DENND5A: variants seen among roughly 807,000 people sequenced by gnomAD.
DENND5A encodes the protein DENN domain-containing protein 5A.
DENND5A carries 64 observed loss-of-function variants against 140.3 expected under a neutral mutation model. The observed-to-expected ratio is 0.46, with a 90% CI of 0.37 to 0.56. DENND5A has a LOEUF of 0.56. Ranked by LOEUF, DENND5A falls within the 20% of genes least tolerant of loss-of-function variation. The pLI is 0.00. For missense variants in DENND5A, 1,292 were observed against 1,593.8 expected (o/e 0.81, Z 3.22); for synonymous variants, 605 against 607.7 (o/e 1.00, Z 0.07).
chr11:9,209,980 A>G (rs1351010397), intron 1 of DENND5A, among the ~76,000 whole-genome samples: 2 of 151,972 alleles, frequency 1.3e-5, no homozygotes, highest in Non-Finnish European at 2.9e-5. Context: ...AGTGGCGGAC[A>G]CCTGTAATCC....
In DENND5A at chr11:9,170,671, AG is replaced by A. The variant is rs1848340979; in HGVS notation, c.2012del (p.Pro671LeufsTer41). 1 of 1,613,848 alleles carries A rather than the reference AG, an allele frequency of 6.2e-7. No homozygotes were observed. Among genetic ancestry groups the A allele is most frequent in the Admixed American group, 1.7e-5 (1 of 59,946 alleles). On this transcript the variant is annotated frameshift_variant, in exon 9 of 23. Transcript: ENST00000328194. LOFTEE classifies it high-confidence loss of function. Reference sequence around the variant, plus strand: ...TGGAAAGTACATCAGACTGCAGCTTAGGGAAGAAGCCCGGCTCATATTTCCC... The same window carrying A: ...TGGAAAGTACATCAGACTGCAGCTTAGGAAGAAGCCCGGCTCATATTTCCC... Reference protein sequence around the residue: ...GQGKYEPGFFPKLQSDVLSTG... With the variant: ...GQGKYEPGFFXKLQSDVLSTG...
intron 8 of DENND5A, chr11:9,175,332 C>T (rs903006405): frequency 2.0e-5 from 3 of 152,050 alleles, no homozygotes; most frequent in Admixed American, 6.5e-5. Flanking sequence ...GTACATAATG[C>T]TGTTGAGAAA....
At chr11:9,152,054 C>T (rs1157059991) in intron 13 of DENND5A, among the ~76,000 whole-genome samples, 3 of 152,164 alleles carry the variant, frequency 2.0e-5, no homozygotes, top group Non-Finnish European at 4.4e-5. Context: ...CTGAAAACAG[C>T]CTGCTCCAAA....
rs1554922642 is a variant in DENND5A at position 9,193,620 on chromosome 11, C to T, written c.1011G>A (p.Trp337Ter). The T allele has an allele frequency of 6.2e-7, 1 of 1,614,002 alleles. No individual in the cohort carries two copies. ...GGAGAATAGGGACATAGACATGCTG[C>T]CACTGGAAAGGAAACATGAGAGCTG... ...TITALMFPFQ[W>*]QHVYVPILPA... Residue 337 changes from tryptophan (W) to a stop codon, truncating the protein, a stop_gained, in exon 5 of 23, where the codon TGG becomes TGA. Coordinates refer to ENST00000328194, the MANE Select transcript of DENND5A (RefSeq NM_015213.4). LOFTEE classifies it high-confidence loss of function.
At chr11:9,143,554 A>AGG in intron 19 of DENND5A, 69 bp from the exon 20 acceptor site, 1 of 1,325,578 alleles carries the variant, frequency 7.5e-7, no homozygotes, top group Non-Finnish European at 1.1e-6. Context: ...CCTGAGCAGG[A>AGG]GACTGAGGAC....
intron 22 of DENND5A, 198 bp from the exon 23 acceptor site, chr11:9,140,052 A>G: frequency 9.4e-7 from 1 of 1,059,674 alleles, no homozygotes; most frequent in Non-Finnish European, 1.3e-6. Flanking sequence ...CCTGACCCAA[A>G]TCAGCCCTGT....
rs150745762 is a variant in DENND5A at position 9,185,000 on chromosome 11, G to C, written c.1138-3916C>G. Reference sequence around the variant, plus strand: ...GAGGTCAGGAGTTCGAGACCAGCCTGACCAACATGGCGAAACCTCATCTCT... The same window carrying C: ...GAGGTCAGGAGTTCGAGACCAGCCTCACCAACATGGCGAAACCTCATCTCT... On this transcript the variant is annotated intron_variant, in intron 5 of 22. Coordinates refer to ENST00000328194, the MANE Select transcript of DENND5A (RefSeq NM_015213.4). Among the ~76,000 whole-genome samples the C allele has an allele frequency of 4.6e-3, 693 of 152,258 alleles. 3 individuals are homozygous for C. The highest frequency in any genetic ancestry group is 6.7e-3 in the Non-Finnish European group (453 of 68,028).
At chr11:9,194,566 C>T (rs1323107689) in intron 4 of DENND5A, among the ~76,000 whole-genome samples, 1 of 145,504 alleles carries the variant, frequency 6.9e-6, no homozygotes, top group Non-Finnish European at 1.5e-5. Flanking sequence ...TAGACTCCTT[C>T]TTAAAAAAAA....
At chr11:9,212,631 T>C (rs1849923647) in intron 1 of DENND5A, among the ~76,000 whole-genome samples, 1 of 149,692 alleles carries the variant, frequency 6.7e-6, no homozygotes, top group Admixed American at 6.6e-5. Flanking sequence ...ACACAAGTAC[T>C]GAAAAAAAAA....
At chr11:9,154,950 G>C (rs933775002) in intron 12 of DENND5A, among the ~76,000 whole-genome samples, 10 of 151,926 alleles carry the variant, frequency 6.6e-5, no homozygotes, top group African/African-American at 2.4e-4. Flanking sequence ...AGGAGTTCGA[G>C]ACCAACCTGG....
At chr11:9,218,330 A>G (rs916986882) in intron 1 of DENND5A, among the ~76,000 whole-genome samples, 1 of 152,184 alleles carries the variant, frequency 6.6e-6, no homozygotes, top group African/African-American at 2.4e-5. Flanking sequence ...AACTCAACAG[A>G]AGAGTTAGCA....
At chr11:9,152,634 A>G (rs534678982) in intron 12 of DENND5A, among the ~76,000 whole-genome samples, 192 bp from the exon 13 acceptor site, 1 of 152,362 alleles carries the variant, frequency 6.6e-6, no homozygotes, top group South Asian at 2.1e-4. Flanking sequence ...GGAAGGTAAC[A>G]GAAAAAGGAA....
chr11:9,143,402 C>T lies in DENND5A; in HGVS notation c.3387+1G>A. 6.2e-7 allele frequency: 1 copy of T among 1,613,734 alleles called. No individual in the cohort carries two copies. The highest frequency in any genetic ancestry group is 8.5e-7 in the Non-Finnish European group (1 of 1,179,600). ...CTGGATTGGAGGGCAGGAAGGCTCA[C>T]CTCTTTCTCAGGCTTATGGAAGTGC... On this transcript the variant is annotated splice_donor_variant, in intron 20 of 22. Transcript: ENST00000328194. LOFTEE classifies it high-confidence loss of function.
intron 1 of DENND5A, among the ~76,000 whole-genome samples, chr11:9,214,174 T>C (rs1849996364): frequency 6.6e-6 from 1 of 152,174 alleles, no homozygotes. Context: ...GACTGCCCAA[T>C]AGCATAGTAC....
chr11:9,199,612 T>C (rs1396705695), intron 4 of DENND5A, among the ~76,000 whole-genome samples: 2 of 152,202 alleles, frequency 1.3e-5, no homozygotes, highest in South Asian at 2.1e-4. Context: ...AAATGACCTA[T>C]ACCAAAAAGA....
intron 4 of DENND5A, among the ~76,000 whole-genome samples, chr11:9,196,424 A>T (rs1324715646): frequency 6.6e-6 from 1 of 152,160 alleles, no homozygotes; most frequent in Non-Finnish European, 1.5e-5. Flanking sequence ...GTTCTTTTTG[A>T]AAAGTATATA....
At chr11:9,263,089 G>A (rs192452772) in intron 1 of DENND5A, among the ~76,000 whole-genome samples, 1 of 151,828 alleles carries the variant, frequency 6.6e-6, no homozygotes, top group East Asian at 1.9e-4. Flanking sequence ...AAACTACCCC[G>A]ACAAAAAGCC....
intron 1 of DENND5A, among the ~76,000 whole-genome samples, chr11:9,231,968 G>T (rs945478974): frequency 6.6e-6 from 1 of 151,912 alleles, no homozygotes; most frequent in Non-Finnish European, 1.5e-5. Context: ...TTCAGGCCCA[G>T]CTGTGACAGC....
intron 12 of DENND5A, among the ~76,000 whole-genome samples, chr11:9,152,957 C>A (rs181805819): frequency 6.8e-6 from 1 of 148,074 alleles, no homozygotes; most frequent in Admixed American, 6.8e-5. Flanking sequence ...TAGATCGCAC[C>A]ATTGCACTCC....
Sources: gnomAD v4.1 joint callset for allele counts (sites outside exome capture counted in the v4.1 genomes callset) on GRCh38, gnomAD v4.1.1 for gene constraint, MANE v1.5 for transcripts, NCBI Gene and HGNC (gene_info 2026-07-23, HGNC 2026-07-21) for gene names.